Variants in JADE3 observed in about 807,000 individuals in gnomAD.
JADE3 encodes protein Jade-3.
Under a neutral mutation model 50.1 loss-of-function variants are expected in JADE3, and 2 were observed. The ratio of observed to expected loss-of-function variants is 0.04; its 90% CI spans 0.02 to 0.13. The LOEUF is 0.13. Among genes scored for constraint, JADE3 ranks in the 10% least tolerant of loss-of-function variants. JADE3 has a pLI of 1.00. For synonymous variants in JADE3, 218 were observed against 232.9 expected (o/e 0.94, Z 0.58); for missense variants, 475 against 634.4 (o/e 0.75, Z 2.70).
chrX:46,984,173 G>A (rs782709425), intron 1 of JADE3, among the ~76,000 whole-genome samples: 41 of 112,120 alleles, frequency 3.7e-4, no homozygotes, highest in Non-Finnish European at 6.9e-4. Context: ...ACACTCCAGT[G>A]CTAGTGTGTT....
intron 10 of JADE3, among the ~76,000 whole-genome samples, chrX:47,057,549 C>T (rs1353638084): frequency 9.0e-6 from 1 of 111,094 alleles, no homozygotes; most frequent in Non-Finnish European, 1.9e-5. Flanking sequence ...ACAAAACCTC[C>T]CACCACCATA....
At chrX:46,976,526 G>A in intron 1 of JADE3, among the ~76,000 whole-genome samples, 1 of 111,932 alleles carries the variant, frequency 8.9e-6, no homozygotes, top group Non-Finnish European at 1.9e-5. Context: ...AGTGGTGCAA[G>A]GTGAGGTCTA....
At chrX:46,983,473 A>G (rs1327494397) in intron 1 of JADE3, among the ~76,000 whole-genome samples, 1 of 111,082 alleles carries the variant, frequency 9.0e-6, no homozygotes, top group Non-Finnish European at 1.9e-5. Flanking sequence ...GGCTAGGTGG[A>G]AGAAGGGAGC....
At position 47,058,440 on chromosome X, in the gene JADE3, C is replaced by A; in HGVS notation, c.1835C>A (p.Ser612Tyr). 1.7e-6 allele frequency: 2 copies of A among 1,211,592 alleles called. No individual in the cohort carries two copies. The highest frequency in any genetic ancestry group is 3.5e-5 in the South Asian group (2 of 56,974). ...CGTTTGCTGGCCAGTCTCAGCCATT[C>A]TAGGAGTGAAGCAAAGGAGTCCAGT... ...NNRLLASLSH[S>Y]RSEAKESSPA... The change falls in exon 11 of 11, where the codon TCT becomes TAT. Residue 612 changes from serine (S) to tyrosine (Y), a missense_variant. Transcript: ENST00000614628.
At chrX:47,044,643 T>C (rs782301852) in intron 8 of JADE3, among the ~76,000 whole-genome samples, 6 of 111,824 alleles carry the variant, frequency 5.4e-5, no homozygotes, top group Non-Finnish European at 7.5e-5. Flanking sequence ...ATTATAATAT[T>C]GTAATTGTGG....
intron 7 of JADE3, among the ~76,000 whole-genome samples, chrX:47,036,313 T>C (rs1929131738): frequency 9.0e-6 from 1 of 111,004 alleles, no homozygotes; most frequent in South Asian, 3.9e-4. Context: ...GAACAGACAC[T>C]TCTCAAAAGA....
In JADE3 at chrX:47,038,394, G is replaced by T. The variant is rs148699464; in HGVS notation, c.856-555G>T. On this transcript the variant is annotated intron_variant, in intron 7 of 10. Coordinates refer to ENST00000614628, the MANE Select transcript of JADE3 (RefSeq NM_014735.5). ...CTCCAAACTATTCTCCATAGTGGTT[G>T]TACTAATTTACATTCCCACCAACAG... Among the ~76,000 whole-genome samples the T allele has an allele frequency of 4.4e-3, 493 of 111,245 alleles. 1 individual carries two copies. Among genetic ancestry groups the T allele is most frequent in the African/African-American group, 0.015 (458 of 30,610 alleles).
At chrX:46,997,273 C>A (rs782607783) in intron 3 of JADE3, among the ~76,000 whole-genome samples, 11 of 110,926 alleles carry the variant, frequency 9.9e-5, no homozygotes. Flanking sequence ...GAGGCCAAGG[C>A]GGGCAGATCA....
intron 1 of JADE3, chrX:46,913,079 G>GT (rs1303500756): frequency 8.9e-6 from 1 of 112,352 alleles, no homozygotes; most frequent in Admixed American, 9.2e-5. Context: ...CTTTCCTCCG[G>GT]TGCCCCCTCC....
chrX:46,998,137 C>T lies in JADE3; in HGVS notation c.144C>T (p.Leu48=). Residue 48 remains leucine, a synonymous_variant, in exon 4 of 11, where the codon CTC becomes CTT. Coordinates refer to ENST00000614628, the MANE Select transcript of JADE3 (RefSeq NM_014735.5). ...KKPAEVFRKD[L]ISAMKLPDSH... ...CTTTCCAGGTATTCCGGAAGGACCT[C>T]ATCAGTGCCATGAAACTTCCAGATT... 2.5e-6 allele frequency: 3 copies of T among 1,206,462 alleles called. No individual in the cohort carries two copies. The highest frequency in any genetic ancestry group is 3.4e-6 in the Non-Finnish European group (3 of 891,311).
intron 10 of JADE3, 21 bp from the exon 11 acceptor site, chrX:47,058,145 GA>G: frequency 8.5e-7 from 1 of 1,178,149 alleles, no homozygotes; most frequent in Non-Finnish European, 1.1e-6. Context: ...TTGTTAAAAC[GA>G]ATCTTTCTTT....
At chrX:46,917,868 TC>T (rs1926137074) in intron 1 of JADE3, among the ~76,000 whole-genome samples, 1 of 102,513 alleles carries the variant, frequency 9.8e-6, no homozygotes, top group African/African-American at 3.6e-5. Flanking sequence ...CCTCTCTCTC[TC>T]TCTCTCTCTC....
chrX:47,055,123 A>ACC (rs1929607525), intron 9 of JADE3, among the ~76,000 whole-genome samples: 1 of 110,646 alleles, frequency 9.0e-6, no homozygotes, highest in Admixed American at 9.7e-5. Flanking sequence ...TGCCAGTAGC[A>ACC]CCCGCACACA....
intron 1 of JADE3, among the ~76,000 whole-genome samples, chrX:46,938,272 T>G (rs1926678429): frequency 8.9e-6 from 1 of 111,983 alleles, no homozygotes; most frequent in Non-Finnish European, 1.9e-5. Context: ...CTGTCTTCTT[T>G]TGGTTATGTG....
chrX:46,944,081 T>C (rs1231064749), intron 1 of JADE3, among the ~76,000 whole-genome samples: 1 of 111,001 alleles, frequency 9.0e-6, no homozygotes, highest in East Asian at 2.8e-4. Flanking sequence ...ATTGTGCTTA[T>C]TTGGATCTTC....
chrX:46,969,552 C>T (rs782227692), intron 1 of JADE3, among the ~76,000 whole-genome samples: 1 of 111,252 alleles, frequency 9.0e-6, no homozygotes, highest in African/African-American at 3.3e-5. Context: ...TATCAAAACT[C>T]GTGGCAGGGC....
chrX:46,978,337 A>G (rs1927670252), intron 1 of JADE3, among the ~76,000 whole-genome samples: 1 of 111,931 alleles, frequency 8.9e-6, no homozygotes, highest in African/African-American at 3.2e-5. Flanking sequence ...AAGAATATTG[A>G]TGGTGCAAGT....
At chrX:46,992,294 C>T (rs1030940439) in intron 3 of JADE3, among the ~76,000 whole-genome samples, 26 of 109,505 alleles carry the variant, frequency 2.4e-4, no homozygotes, top group East Asian at 2.9e-4. Flanking sequence ...CCCCCTGCCC[C>T]GGCCCTGCCC....
At chrX:47,015,028 G>T (rs996674460) in intron 4 of JADE3, among the ~76,000 whole-genome samples, 3 of 112,212 alleles carry the variant, frequency 2.7e-5, no homozygotes, top group Non-Finnish European at 3.8e-5. Context: ...TTTAAAAATT[G>T]TAAGTCAGAG....
Sources: allele counts gnomAD v4.1 joint callset (sites outside exome capture counted in the v4.1 genomes callset), GRCh38; gene constraint gnomAD v4.1.1; transcripts MANE v1.5; gene names NCBI Gene and HGNC (gene_info 2026-07-23, HGNC 2026-07-21).